PDE10A: variants seen among roughly 807,000 people sequenced by gnomAD.
The protein encoded by PDE10A is cAMP and cAMP-inhibited cGMP 3',5'-cyclic phosphodiesterase 10A.
In PDE10A, 39 loss-of-function variants were observed where a neutral mutation model predicts 97.7. That is an observed-to-expected ratio of 0.40 (90% confidence interval 0.31 to 0.52). PDE10A has a LOEUF of 0.52. Among genes scored for constraint, PDE10A ranks in the 20% least tolerant of loss-of-function variants. The pLI, the probability that PDE10A is intolerant of heterozygous loss-of-function variation, is 0.56. For synonymous variants in PDE10A, 371 were observed against 376.8 expected (o/e 0.98, Z 0.18); for missense variants, 731 against 1,047.8 (o/e 0.70, Z 4.17).
intron 2 of PDE10A, among the ~76,000 whole-genome samples, chr6:165,509,957 C>T (rs1463398917): frequency 6.6e-6 from 1 of 151,950 alleles, no homozygotes; most frequent in Non-Finnish European, 1.5e-5. Flanking sequence ...TGCTTATTAG[C>T]TCTACAAGTT....
chr6:165,611,295 T>C (rs1787482304), intron 1 of PDE10A, among the ~76,000 whole-genome samples: 1 of 152,206 alleles, frequency 6.6e-6, no homozygotes, highest in Admixed American at 6.5e-5. Context: ...GAACCTCACC[T>C]GTCCTGACTG....
intron 1 of PDE10A, among the ~76,000 whole-genome samples, chr6:165,889,618 T>C (rs2461734): frequency 0.77 from 117,384 of 152,020 alleles, 45,539 homozygotes; most frequent in East Asian, 0.97. Context: ...ACTGGTGCTT[T>C]CCTAGGCTTC....
Position 165,330,514 on chromosome 6 carries a change from AAT to A in PDE10A, c.*2509_*2510del, listed in dbSNP as rs990167094. On this transcript the variant is annotated 3_prime_UTR_variant, in exon 22 of 22. Transcript: ENST00000539869. ...AGTAAATCTTACACATGGTAAAAGC[AAT>A]ATTGACAGTTTATATCAGAATTCAG... The A allele has an allele frequency of 2.0e-5, 3 of 152,214 alleles. No homozygotes were observed. Among genetic ancestry groups the A allele is most frequent in the African/African-American group, 7.2e-5 (3 of 41,466 alleles). The allele number at this position is 152,214 out of a possible 1,614,324, so 9.4% of individuals were successfully genotyped here. A position where few individuals can be genotyped will look rare whatever the true frequency, so the allele number is the denominator to read the frequency against.
At chr6:165,521,248 TC>T (rs1782112770) in intron 2 of PDE10A, among the ~76,000 whole-genome samples, 1 of 152,118 alleles carries the variant, frequency 6.6e-6, no homozygotes, top group Non-Finnish European at 1.5e-5. Context: ...AACTGGCTGT[TC>T]CCCGATCTCT....
At chr6:165,943,343 AAAG>A (rs369107603) in intron 1 of PDE10A, among the ~76,000 whole-genome samples, 854 of 48,450 alleles carry the variant, frequency 0.018, 173 homozygotes, top group African/African-American at 0.083. Context: ...GAAAGAAAGA[AAAG>A]AGAAAGAAAG....
At chr6:165,814,814 G>T (rs984562127) in intron 1 of PDE10A, among the ~76,000 whole-genome samples, 3 of 151,972 alleles carry the variant, frequency 2.0e-5, no homozygotes, top group African/African-American at 7.2e-5. Flanking sequence ...CTGGGTTCTC[G>T]AGACGTCACT....
Position 165,918,524 on chromosome 6 carries a change from C to T in PDE10A, c.-615+69005G>A, listed in dbSNP as rs141061357. Among the ~76,000 whole-genome samples the T allele has an allele frequency of 4.4e-3, 665 of 152,348 alleles. 3 individuals carry two copies. Among genetic ancestry groups the T allele is most frequent in the African/African-American group, 0.015 (621 of 41,580 alleles). ...ATTATTTAAGCAGCCAATCGTTCAA[C>T]TGAGATTTACAACTATTTTCACAGA... On this transcript the variant is annotated intron_variant, in intron 1 of 19. Coordinates refer to the PDE10A transcript ENST00000366882.
intron 1 of PDE10A, among the ~76,000 whole-genome samples, chr6:165,832,942 C>T (rs1294546392): frequency 1.3e-5 from 2 of 152,208 alleles, no homozygotes; most frequent in Non-Finnish European, 2.9e-5. Context: ...CCAGCCCTGC[C>T]TGGTCCATGT....
intron 1 of PDE10A, among the ~76,000 whole-genome samples, chr6:165,879,703 C>T (rs912054225): frequency 1.1e-4 from 16 of 152,338 alleles, no homozygotes; most frequent in African/African-American, 3.8e-4. Context: ...CGAGATTACT[C>T]ATAATACCTA....
chr6:165,740,627 C>G (rs903910508), intron 1 of PDE10A, among the ~76,000 whole-genome samples: 5 of 152,200 alleles, frequency 3.3e-5, no homozygotes, highest in Non-Finnish European at 4.4e-5. Context: ...GCCACCACTC[C>G]TGGCCTGTGT....
chr6:165,622,963 C>G (rs915939634), intron 1 of PDE10A, among the ~76,000 whole-genome samples: 7 of 152,168 alleles, frequency 4.6e-5, no homozygotes, highest in Middle Eastern at 3.4e-3. Flanking sequence ...GCTCCTCCCC[C>G]CACCCTTACT....
At chr6:165,628,965 T>G (rs1190205934) in intron 1 of PDE10A, among the ~76,000 whole-genome samples, 1 of 152,194 alleles carries the variant, frequency 6.6e-6, no homozygotes, top group Non-Finnish European at 1.5e-5. Context: ...ATTTAAAAGC[T>G]AAGACTTTTG....
At chr6:165,462,260 T>C (rs1418844543) in intron 3 of PDE10A, among the ~76,000 whole-genome samples, 2 of 152,038 alleles carry the variant, frequency 1.3e-5, no homozygotes, top group African/African-American at 4.8e-5. Flanking sequence ...AAGGGGGAAA[T>C]AGAGAATATG....
chr6:165,488,250 AAAGAG>A (rs1780031185), intron 2 of PDE10A, among the ~76,000 whole-genome samples: 1 of 152,172 alleles, frequency 6.6e-6, no homozygotes, highest in African/African-American at 2.4e-5. Flanking sequence ...TATGCTTGTT[AAAGAG>A]AAATTTAGTT....
intron 5 of PDE10A, among the ~76,000 whole-genome samples, chr6:165,442,563 C>T (rs1459678329): frequency 1.3e-5 from 2 of 152,138 alleles, no homozygotes; most frequent in Non-Finnish European, 2.9e-5. Context: ...TACCTACCAT[C>T]AGACCTCACG....
chr6:165,947,085 C>T (rs938511789), intron 1 of PDE10A: 1 of 152,156 alleles, frequency 6.6e-6, no homozygotes, highest in Non-Finnish European at 1.5e-5. Context: ...CCTTAGGTTG[C>T]TCCTAATCTA....
chr6:165,738,176 C>A (rs1267142745), intron 1 of PDE10A, among the ~76,000 whole-genome samples: 33 of 120,538 alleles, frequency 2.7e-4, no homozygotes, highest in Non-Finnish European at 1.6e-5. Context: ...CCCCACCCCA[C>A]AACAGTCCCC....
intron 1 of PDE10A, among the ~76,000 whole-genome samples, chr6:165,634,137 G>C (rs1321713899): frequency 6.6e-6 from 1 of 152,156 alleles, no homozygotes; most frequent in Non-Finnish European, 1.5e-5. Context: ...TAGGGCCCAG[G>C]AATTTGCGTT....
chr6:165,972,453 C>T (rs13437489), intron 1 of PDE10A, among the ~76,000 whole-genome samples: 46,268 of 151,830 alleles, frequency 0.3, 7,417 homozygotes, highest in African/African-American at 0.37. Context: ...GTCTCTGTCA[C>T]GAAAAAAAAT....
Sources: gnomAD v4.1 joint callset for allele counts (sites outside exome capture counted in the v4.1 genomes callset) on GRCh38, gnomAD v4.1.1 for gene constraint, MANE v1.5 for transcripts, NCBI Gene and HGNC (gene_info 2026-07-23, HGNC 2026-07-21) for gene names.